The following CD164 variants were observed in gnomAD, a reference collection of about 807,000 sequenced individuals.
CD164 encodes the protein sialomucin core protein 24.
CD164 carries 11 observed loss-of-function variants against 24.6 expected under a neutral mutation model. That is an observed-to-expected ratio of 0.45 (90% CI 0.28 to 0.74). The LOEUF is 0.74. CD164 is among the 30% of genes least tolerant of loss of function. The pLI is 0.13. For synonymous variants in CD164, 126 were observed against 100.3 expected (o/e 1.26, Z -1.53); for missense variants, 295 against 243.7 (o/e 1.21, Z -1.40).
chr6:109,377,641 GT>G (rs1179121989), intron 3 of CD164, among the ~76,000 whole-genome samples: 2 of 112,150 alleles, frequency 1.8e-5, no homozygotes, highest in East Asian at 5.1e-4. Context: ...TCCTAGAAAA[GT>G]TTAAAAAAAA....
chr6:109,377,831 G>T, intron 3 of CD164, 69 bp downstream of exon 3: 1 of 1,115,054 alleles, frequency 9.0e-7, no homozygotes, highest in Non-Finnish European at 1.4e-6. Context: ...CTGAAACAAG[G>T]CTTTCTGAGG....
intron 1 of CD164, chr6:109,381,858 C>G (rs1217865635): frequency 2.0e-6 from 1 of 492,048 alleles, no homozygotes; most frequent in African/African-American, 2.0e-5. Flanking sequence ...CTCAACCCCA[C>G]CGCTGCCCCC....
intron 4 of CD164, chr6:109,372,147 C>T (rs1771112743): frequency 6.6e-6 from 1 of 152,134 alleles, no homozygotes; most frequent in Admixed American, 6.5e-5. Flanking sequence ...CTTTTCACTG[C>T]ATTAGACTTT....
In CD164 at chr6:109,382,237, T is replaced by C. The variant is rs1242201414; in HGVS notation, c.142A>G (p.Thr48Ala). ...PISNVTSAPV[T>A]SLPLVTTPAP... The stretch of plus-strand genomic sequence containing the variant: ...GGAGTGGTGACCAGCGGGAGGGACG[T>C]CACCGGCGCCGAGGTTACGTTGGAG... Residue 48 changes from threonine (T) to alanine (A), a missense_variant, in exon 1 of 6, where the codon ACG (threonine) becomes GCG (alanine). Physicochemically the swap from Thr to Ala is moderately conservative, Grantham distance 58 (BLOSUM62 0). Transcript: ENST00000310786. 6.3e-7 allele frequency: 1 copy of C among 1,582,780 alleles called. No individual in the cohort carries two copies. The highest frequency in any genetic ancestry group is 8.6e-7 in the Non-Finnish European group (1 of 1,168,326).
At chr6:109,377,331 T>A (rs921153659) in intron 3 of CD164, among the ~76,000 whole-genome samples, 1 of 152,218 alleles carries the variant, frequency 6.6e-6, no homozygotes, top group Non-Finnish European at 1.5e-5. Flanking sequence ...TTATTATCTA[T>A]GCATCAAATT....
chr6:109,371,671 T>A (rs905899871), intron 4 of CD164: 1 of 153,766 alleles, frequency 6.5e-6, no homozygotes, highest in African/African-American at 2.4e-5. Flanking sequence ...AACATCCAAA[T>A]GGCTACCAAA....
Position 109,376,079 on chromosome 6 carries a change from G to A in CD164, c.365C>T (p.Ser122Phe). Reference protein sequence around the residue: ...STATPVPTANSTAKPTVQPSP... With the variant: ...STATPVPTANFTAKPTVQPSP... ...AAACAGTCATCTTGAATTACCTGTAGAATTGGCTGTTGGCACTGGAGTGGC... is the reference window on the plus strand; with the variant it reads ...AAACAGTCATCTTGAATTACCTGTAAAATTGGCTGTTGGCACTGGAGTGGC... The change falls in exon 4 of 6, where the codon TCT becomes TTT. Residue 122 changes from serine (S) to phenylalanine (F), a missense_variant. By Grantham distance (155) the Ser-to-Phe change is radical. Transcript: ENST00000310786. 1 of 1,570,846 alleles carries A rather than the reference G, an allele frequency of 6.4e-7. No individual in the cohort carries two copies. Among genetic ancestry groups the A allele is most frequent in the Non-Finnish European group, 8.6e-7 (1 of 1,168,598 alleles).
At chr6:109,381,519 T>C (rs1771741635) in intron 1 of CD164, 1 of 702,618 alleles carries the variant, frequency 1.4e-6, no homozygotes, top group Non-Finnish European at 2.6e-6. Flanking sequence ...AGTTTAGCCT[T>C]AGGATACGTA....
intron 4 of CD164, chr6:109,371,239 T>C (rs1771058414): frequency 6.6e-6 from 1 of 152,178 alleles, no homozygotes; most frequent in Non-Finnish European, 1.5e-5. Context: ...AAAATCATTT[T>C]AGGGACTAAA....
intron 4 of CD164, 52 bp from the exon 5 acceptor site, chr6:109,370,519 C>CA: frequency 2.0e-6 from 3 of 1,476,294 alleles, no homozygotes; most frequent in Non-Finnish European, 2.8e-6. Flanking sequence ...TCTAGCTTCC[C>CA]AGTTATCTAA....
intron 1 of CD164, chr6:109,379,934 TGGAAGACACCCA>T (rs1562243778): frequency 3.6e-5 from 10 of 274,146 alleles, no homozygotes; most frequent in Admixed American, 5.4e-5. Flanking sequence ...GGACAACTAT[TGGAAGACACCCA>T]CAGCCACTAA....
At chr6:109,373,654 C>A (rs1264591426) in intron 4 of CD164, among the ~76,000 whole-genome samples, 1 of 152,214 alleles carries the variant, frequency 6.6e-6, no homozygotes, top group Admixed American at 6.5e-5. Flanking sequence ...CCACTCCCTG[C>A]ACCCCATTTT....
chr6:109,366,944 T>A lies in CD164; in HGVS notation c.*1907A>T, dbSNP rs1164365491. The A allele has an allele frequency of 6.6e-6, 1 of 152,262 alleles. No homozygotes were observed. Among genetic ancestry groups the A allele is most frequent in the East Asian group, 1.9e-4 (1 of 5,202 alleles). The allele number at this position is 152,262 out of a possible 1,614,324, so 9.4% of individuals were successfully genotyped here. ...ACAAAATTTGCTACATATGTTGACA[T>A]GAATGTGTGTCAGGGAATTCATACC... On this transcript the variant is annotated 3_prime_UTR_variant, in exon 6 of 6. Transcript: ENST00000310786.
chr6:109,373,805 A>G (rs901717013), intron 4 of CD164, among the ~76,000 whole-genome samples: 19 of 152,214 alleles, frequency 1.2e-4, no homozygotes, highest in African/African-American at 4.1e-4. Flanking sequence ...TCAGCTCAAA[A>G]TAAGTTTTGT....
intron 4 of CD164, chr6:109,372,647 G>GT (rs1641896226): frequency 6.6e-6 from 1 of 152,054 alleles, no homozygotes; most frequent in African/African-American, 2.4e-5. Context: ...CTTATCTCTG[G>GT]TAAGACTGGT....
At chr6:109,371,209 A>G (rs1427376659) in intron 4 of CD164, 1 of 152,224 alleles carries the variant, frequency 6.6e-6, no homozygotes, top group African/African-American at 2.4e-5. Context: ...GTACACTCTG[A>G]GAAGGATTAG....
rs1770870160 is a variant in CD164 at position 109,368,140 on chromosome 6, T to TA, written c.*710_*711insT. On this transcript the variant is annotated 3_prime_UTR_variant, in exon 6 of 6. Transcript: ENST00000310786. ...TCTGACCAATCCTTACCTTCCTTAA[T>TA]GTCAAAGAACAAATCATAGACATTA... The TA allele has an allele frequency of 7.8e-6, 6 of 769,958 alleles. No individual in the cohort carries two copies. The highest frequency in any genetic ancestry group is 1.2e-5 in the Non-Finnish European group (6 of 506,756). The allele number at this position is 769,958 out of a possible 1,614,324, so 47.7% of individuals were successfully genotyped here. A position where few individuals can be genotyped will look rare whatever the true frequency, so the allele number is the denominator to read the frequency against.
chr6:109,373,488 G>C (rs959260338), intron 4 of CD164, among the ~76,000 whole-genome samples: 2 of 152,138 alleles, frequency 1.3e-5, no homozygotes, highest in African/African-American at 4.8e-5. Flanking sequence ...ATAAGCCCTT[G>C]CTGCTTTCCC....
At chr6:109,376,366 C>T (rs1490899633) in intron 3 of CD164, among the ~76,000 whole-genome samples, 1 of 152,190 alleles carries the variant, frequency 6.6e-6, no homozygotes, top group Non-Finnish European at 1.5e-5. Context: ...GCTTCCAGGC[C>T]ATCACGCATA....
Sources: allele counts gnomAD v4.1 joint callset (sites outside exome capture counted in the v4.1 genomes callset), GRCh38; gene constraint gnomAD v4.1.1; transcripts MANE v1.5; gene names NCBI Gene and HGNC (gene_info 2026-07-23, HGNC 2026-07-21).